Variants in ZNF600 observed in about 807,000 individuals in gnomAD.
ZNF600 encodes zinc finger protein KR-ZNF1.
ZNF600 carries 4 observed loss-of-function variants against 7.3 expected under a neutral mutation model. The ratio of observed to expected loss-of-function variants is 0.55; its 90% CI spans 0.27 to 1.25. The LOEUF (loss-of-function observed/expected upper bound fraction) is 1.25. ZNF600 is among the 50% of genes most tolerant of loss of function. ZNF600 has a pLI of 0.12. For synonymous variants in ZNF600, 290 were observed against 308.9 expected (o/e 0.94, Z 0.64); for missense variants, 911 against 922.1 (o/e 0.99, Z 0.16).
chr19:52,767,634 A>T (rs1333410565), exon 4 of ZNF600: 2 of 1,614,018 alleles, frequency 1.2e-6, no homozygotes, highest in Non-Finnish European at 1.7e-6. Flanking sequence ...AATATCATGA[A>T]TTTCTTTCTC....
the ZNF600 span, chr19:52,800,860 AT>A: frequency 5.0e-6 from 8 of 1,613,964 alleles, no homozygotes; most frequent in Non-Finnish European, 6.8e-6. Flanking sequence ...CAAACCTTAC[AT>A]TTGTATGGTT....
chr19:52,804,583 C>T, the ZNF600 span, among the ~76,000 whole-genome samples: 4 of 152,178 alleles, frequency 2.6e-5, no homozygotes, highest in Admixed American at 2.6e-4. Flanking sequence ...ATTGGCCAGG[C>T]TTGTCTCAAA....
At chr19:52,831,244 C>CA in the ZNF600 span, among the ~76,000 whole-genome samples, 1 of 152,104 alleles carries the variant, frequency 6.6e-6, no homozygotes, top group Non-Finnish European at 1.5e-5. Context: ...TCTGTGGAAA[C>CA]AGAGACAGAC....
the ZNF600 span, among the ~76,000 whole-genome samples, chr19:52,819,745 C>T: frequency 7.0e-6 from 1 of 143,684 alleles, no homozygotes; most frequent in Non-Finnish European, 1.5e-5. Flanking sequence ...GCATCTTTCA[C>T]ATGCCTGGGT....
chr19:52,778,586 A>G (rs2062695145), intron 2 of ZNF600, among the ~76,000 whole-genome samples: 1 of 152,062 alleles, frequency 6.6e-6, no homozygotes, highest in Non-Finnish European at 1.5e-5. Context: ...ATGTTTATCC[A>G]TGTCTAGGTG....
chr19:52,790,212 G>A (rs2062787821), upstream of ZNF600, among the ~76,000 whole-genome samples: 1 of 152,342 alleles, frequency 6.6e-6, no homozygotes, highest in African/African-American at 2.4e-5. Flanking sequence ...CCTGGGCTCA[G>A]AGGCCTGACA....
At chr19:52,833,634 G>A in the ZNF600 span, among the ~76,000 whole-genome samples, 2 of 151,980 alleles carry the variant, frequency 1.3e-5, no homozygotes, top group African/African-American at 4.8e-5. Flanking sequence ...AATCCTGTAC[G>A]TGAAAAAAGT....
At chr19:52,803,700 C>T in the ZNF600 span, among the ~76,000 whole-genome samples, 3 of 152,224 alleles carry the variant, frequency 2.0e-5, no homozygotes, top group South Asian at 2.1e-4. Context: ...GGCACGGTGG[C>T]GCATGCCTGT....
the ZNF600 span, among the ~76,000 whole-genome samples, chr19:52,830,871 A>C: frequency 0.092 from 12,102 of 131,126 alleles, 2,148 homozygotes; most frequent in African/African-American, 0.26. Flanking sequence ...GTGCATGCAC[A>C]TCTGTGGGAA....
At chr19:52,766,526 T>C (rs776583991) in exon 4 of ZNF600, 1 of 1,614,098 alleles carries the variant, frequency 6.2e-7, no homozygotes, top group Non-Finnish European at 8.5e-7. Flanking sequence ...AAGGTTTTCC[T>C]CCACTATGAA....
At chr19:52,819,711 C>T in the ZNF600 span, among the ~76,000 whole-genome samples, 4 of 143,002 alleles carry the variant, frequency 2.8e-5, 1 homozygote, top group Admixed American at 1.4e-4. Context: ...CTGGTCTTAT[C>T]ATCCCATCCT....
the ZNF600 span, chr19:52,808,269 C>T: frequency 1.3e-6 from 2 of 1,486,942 alleles, no homozygotes; most frequent in Non-Finnish European, 1.8e-6. Flanking sequence ...TTTTTCACCA[C>T]ATGATGTTTT....
the ZNF600 span, among the ~76,000 whole-genome samples, chr19:52,817,628 T>G: frequency 6.6e-6 from 1 of 152,048 alleles, no homozygotes; most frequent in Admixed American, 6.6e-5. Context: ...GAGCTGACAG[T>G]GCATCCAGAT....
At chr19:52,767,628 T>C in exon 4 of ZNF600, 3 of 1,614,046 alleles carry the variant, frequency 1.9e-6, no homozygotes, top group Non-Finnish European at 2.5e-6. Flanking sequence ...AAACTCAATA[T>C]CATGAATTTC....
At chr19:52,779,962 GC>G (rs2062707228) in intron 1 of ZNF600, among the ~76,000 whole-genome samples, 2 of 152,098 alleles carry the variant, frequency 1.3e-5, no homozygotes, top group African/African-American at 4.8e-5. Context: ...GTTGCAGTGA[GC>G]CAAGACTGTG....
the ZNF600 span, chr19:52,799,405 A>C: frequency 3.1e-6 from 2 of 648,428 alleles, no homozygotes; most frequent in Non-Finnish European, 2.7e-6. Flanking sequence ...TTTGATTTGC[A>C]ACCGAAAACT....
the ZNF600 span, among the ~76,000 whole-genome samples, chr19:52,812,011 A>T: frequency 3.1e-5 from 1 of 32,180 alleles, no homozygotes. Context: ...TCCGGGAGGG[A>T]GGTGGGGGGG....
At chr19:52,809,639 C>T in the ZNF600 span, among the ~76,000 whole-genome samples, 1 of 152,180 alleles carries the variant, frequency 6.6e-6, no homozygotes, top group African/African-American at 2.4e-5. Flanking sequence ...AAGCCCTTCT[C>T]TACTAAAAAT....
rs757528350 is a variant in ZNF600 at position 52,767,299 on chromosome 19, G to C, written c.664C>G (p.Gln222Glu). 1.7e-5 allele frequency: 27 copies of C among 1,613,998 alleles called. No homozygotes were observed. Among genetic ancestry groups the C allele is most frequent in the Non-Finnish European group, 2.2e-5 (26 of 1,180,020 alleles). ...GATTTTTCTCTCATGTATACTTCCT[G>C]TTTTTGTGGGAGTAGTGAAGAATTC... is the stretch of plus-strand genomic sequence containing the variant. The change falls in exon 4 of 4, where the codon CAG becomes GAG. Residue 222 changes from glutamine (Q) to glutamate (E), a missense_variant. Physicochemically the swap from Gln to Glu is conservative, Grantham distance 29. Transcript: ENST00000648973.
Sources: gnomAD v4.1 joint callset for allele counts (sites outside exome capture counted in the v4.1 genomes callset) on GRCh38, gnomAD v4.1.1 for gene constraint, MANE v1.5 for transcripts, NCBI Gene and HGNC (gene_info 2026-07-23, HGNC 2026-07-21) for gene names.